CADPS2: variants seen among roughly 807,000 people sequenced by gnomAD.
CADPS2 encodes calcium-dependent secretion activator 2.
In CADPS2, 93 loss-of-function variants were observed where a neutral mutation model predicts 172.5. That is an observed-to-expected ratio of 0.54 (90% CI 0.46 to 0.64). The LOEUF is 0.64. Ranked by LOEUF, CADPS2 falls within the 30% of genes least tolerant of loss-of-function variation. CADPS2 has a pLI of 0.00. For synonymous variants in CADPS2, 546 were observed against 555.2 expected (o/e 0.98, Z 0.23); for missense variants, 1,420 against 1,565.9 (o/e 0.91, Z 1.57).
At chr7:122,866,743 G>A (rs969099652) in intron 1 of CADPS2, among the ~76,000 whole-genome samples, 14 of 152,094 alleles carry the variant, frequency 9.2e-5, no homozygotes, top group Non-Finnish European at 1.5e-4. Context: ...GCCATGTAGT[G>A]GCACTGTCTA....
chr7:122,857,355 GAT>G (rs1334959375), intron 1 of CADPS2, among the ~76,000 whole-genome samples: 1 of 152,038 alleles, frequency 6.6e-6, no homozygotes, highest in African/African-American at 2.4e-5. Context: ...CAGGTCTGGA[GAT>G]GTATGAGTAA....
In CADPS2 at chr7:122,599,665, G is replaced by A. The variant is rs1206504501; in HGVS notation, c.1223+15516C>T. On this transcript the variant is annotated intron_variant, in intron 6 of 29. Coordinates refer to ENST00000449022, the MANE Select transcript of CADPS2 (RefSeq NM_017954.11). ...AACTAAAAAGCAGATTTTGTCAACC[G>A]TAGAATTTATTTTAGTAACAGTTTT... Among the ~76,000 whole-genome samples the A allele has an allele frequency of 3.9e-5, 6 of 152,044 alleles. No homozygotes were observed. In the South Asian group the frequency reaches 6.2e-4, roughly 16 times the overall value.
chr7:122,875,981 T>C (rs1251720526), intron 1 of CADPS2, among the ~76,000 whole-genome samples: 1 of 152,080 alleles, frequency 6.6e-6, no homozygotes, highest in Non-Finnish European at 1.5e-5. Flanking sequence ...ACTATTGATT[T>C]CTAAAATAGC....
chr7:122,728,759 T>G (rs1163769593), intron 2 of CADPS2, among the ~76,000 whole-genome samples: 1 of 151,754 alleles, frequency 6.6e-6, no homozygotes, highest in Non-Finnish European at 1.5e-5. Flanking sequence ...TACATTATAT[T>G]TGTACACATT....
At chr7:122,618,685 G>A (rs1280859906) in intron 5 of CADPS2, among the ~76,000 whole-genome samples, 1 of 152,194 alleles carries the variant, frequency 6.6e-6, no homozygotes, top group Non-Finnish European at 1.5e-5. Context: ...TTGCCTTTCA[G>A]AGTCTTCTTA....
intron 1 of CADPS2, among the ~76,000 whole-genome samples, chr7:122,758,642 C>T (rs1482470370): frequency 6.6e-6 from 1 of 152,070 alleles, no homozygotes; most frequent in African/African-American, 2.4e-5. Flanking sequence ...AGACATAGAG[C>T]AAAAGCTTCA....
chr7:122,757,317 T>G (rs1377650027), intron 1 of CADPS2, among the ~76,000 whole-genome samples: 2 of 151,940 alleles, frequency 1.3e-5, no homozygotes, highest in African/African-American at 4.8e-5. Context: ...ACCAGCTAAT[T>G]TTTGTATTTT....
At chr7:122,431,641 A>T (rs542581226) in intron 17 of CADPS2, among the ~76,000 whole-genome samples, 1 of 152,324 alleles carries the variant, frequency 6.6e-6, no homozygotes, top group South Asian at 2.1e-4. Context: ...GACACACTAC[A>T]TAACCTCTCA....
intron 28 of CADPS2, among the ~76,000 whole-genome samples, chr7:122,331,560 A>G (rs1267548489): frequency 6.6e-6 from 1 of 152,142 alleles, no homozygotes; most frequent in Non-Finnish European, 1.5e-5. Context: ...AATCACTTGA[A>G]CCTGGGAGGT....
At chr7:122,644,504 C>A (rs1563944173) in intron 3 of CADPS2, among the ~76,000 whole-genome samples, 2 of 152,246 alleles carry the variant, frequency 1.3e-5, no homozygotes, top group East Asian at 1.9e-4. Flanking sequence ...TTTCACCTTA[C>A]CCTAATGATA....
At chr7:122,867,049 C>G (rs1023908205) in intron 1 of CADPS2, among the ~76,000 whole-genome samples, 1 of 152,102 alleles carries the variant, frequency 6.6e-6, no homozygotes, top group Non-Finnish European at 1.5e-5. Context: ...GATACTCTTT[C>G]CTCCTCTGTT....
intron 8 of CADPS2, among the ~76,000 whole-genome samples, chr7:122,546,549 A>AACTT (rs1563663176): frequency 6.6e-6 from 1 of 151,676 alleles, no homozygotes; most frequent in Admixed American, 6.6e-5. Context: ...ACCTCTGCTG[A>AACTT]TCTTAAGCTT....
intron 1 of CADPS2, among the ~76,000 whole-genome samples, chr7:122,830,058 T>C (rs1269756416): frequency 1.3e-5 from 2 of 150,628 alleles, no homozygotes; most frequent in East Asian, 1.9e-4. Flanking sequence ...CCATTATCAC[T>C]GTTTCAAGGA....
In CADPS2 at chr7:122,629,344, G is replaced by A; in HGVS notation, c.787-16C>T. The A allele has an allele frequency of 3.1e-6, 5 of 1,592,308 alleles. No individual in the cohort carries two copies. Among genetic ancestry groups the A allele is most frequent in the Non-Finnish European group, 3.4e-6 (4 of 1,167,374 alleles). ...CGTTATCCAGCTTAAAAATAAAACA[G>A]AAGTTACACATATGTAATTACTTAA... On this transcript the variant is annotated splice_polypyrimidine_tract_variant and intron_variant, in intron 3 of 29. Transcript: ENST00000449022.
intron 11 of CADPS2, among the ~76,000 whole-genome samples, chr7:122,485,975 A>G (rs999081123): frequency 6.6e-6 from 1 of 152,224 alleles, no homozygotes; most frequent in Non-Finnish European, 1.5e-5. Flanking sequence ...ATCTGTTTAC[A>G]GCATAGTTTA....
intron 1 of CADPS2, among the ~76,000 whole-genome samples, chr7:122,754,224 C>T (rs968573144): frequency 3.3e-5 from 5 of 152,218 alleles, no homozygotes; most frequent in African/African-American, 1.2e-4. Flanking sequence ...TTTATCATTA[C>T]CACTATTACT....
intron 8 of CADPS2, among the ~76,000 whole-genome samples, chr7:122,519,434 G>T (rs2060616788): frequency 6.6e-6 from 1 of 152,030 alleles, no homozygotes; most frequent in South Asian, 2.1e-4. Flanking sequence ...TCTTGCATGG[G>T]ATTAGGTAAC....
intron 1 of CADPS2, among the ~76,000 whole-genome samples, chr7:122,869,038 G>A (rs1202025088): frequency 2.6e-5 from 4 of 151,950 alleles, no homozygotes; most frequent in Non-Finnish European, 5.9e-5. Flanking sequence ...GAAAAAGACT[G>A]AAGATAACCT....
intron 8 of CADPS2, among the ~76,000 whole-genome samples, chr7:122,534,838 A>G (rs2062088083): frequency 6.6e-6 from 1 of 152,152 alleles, no homozygotes; most frequent in Admixed American, 6.6e-5. Flanking sequence ...TTCCTTAGCC[A>G]CTAAGAAAAG....
Sources: allele counts gnomAD v4.1 joint callset (sites outside exome capture counted in the v4.1 genomes callset), GRCh38; gene constraint gnomAD v4.1.1; transcripts MANE v1.5; gene names NCBI Gene and HGNC (gene_info 2026-07-23, HGNC 2026-07-21).